The following SLC25A39 variants were observed in gnomAD, a reference collection of about 807,000 sequenced individuals.
The protein encoded by SLC25A39 is mitochondrial glutathione transporter SLC25A39.
In SLC25A39, 44 loss-of-function variants were observed where a neutral mutation model predicts 46.6. The observed-to-expected ratio is 0.94, with a 90% CI of 0.74 to 1.21. SLC25A39 has a LOEUF of 1.21. SLC25A39 is among the 50% of genes most tolerant of loss of function. The probability of loss-of-function intolerance (pLI) is 0.00; values close to 1 mark genes in which losing one functional copy is unlikely to be tolerated. For missense variants in SLC25A39, 487 were observed against 473.0 expected, an observed-to-expected ratio of 1.03 and a Z score of -0.28; for synonymous variants, 218 against 190.6, an observed-to-expected ratio of 1.14 and a Z score of -1.19.
Position 44,320,690 on chromosome 17 carries a change from T to G in SLC25A39, c.733A>C (p.Asn245His). ...FNYELVKSWLNGFRPKDQTSV... is the reference protein window; with the variant it reads ...FNYELVKSWLHGFRPKDQTSV... ...GTCTGGTCCTTCGGCCTGAACCCATTGAGCCAGCTCTTCACCAGCTCATAG... is the reference window on the plus strand; with the variant it reads ...GTCTGGTCCTTCGGCCTGAACCCATGGAGCCAGCTCTTCACCAGCTCATAG... Residue 245 changes from asparagine (N) to histidine (H), a missense_variant, in exon 9 of 12, where the codon AAT becomes CAT. Asn to His is a moderately conservative substitution (Grantham distance 68, BLOSUM62 1). Coordinates refer to ENST00000377095, the MANE Select transcript of SLC25A39 (RefSeq NM_001143780.3). 6.2e-7 allele frequency: 1 copy of G among 1,614,078 alleles called. No homozygotes were observed. Among genetic ancestry groups the G allele is most frequent in the Non-Finnish European group, 8.5e-7 (1 of 1,180,030 alleles).
Position 44,320,605 on chromosome 17 carries a change from C to T in SLC25A39, c.801+17G>A. On this transcript the variant is annotated intron_variant, in intron 9 of 11. Transcript: ENST00000377095. ...GGGAGACCTCCGCTGGCCTCACCTCCAGCCCAGTCCACTCACCGTCCCTGA... is the reference window on the plus strand; with the variant it reads ...GGGAGACCTCCGCTGGCCTCACCTCTAGCCCAGTCCACTCACCGTCCCTGA... 1 of 1,610,480 alleles carries T rather than the reference C, an allele frequency of 6.2e-7. No individual in the cohort carries two copies. Among genetic ancestry groups the T allele is most frequent in the Non-Finnish European group, 8.5e-7 (1 of 1,177,058 alleles).
intron 3 of SLC25A39, 81 bp downstream of exon 3, chr17:44,323,203 A>C: frequency 6.5e-7 from 1 of 1,536,782 alleles, no homozygotes; most frequent in Non-Finnish European, 9.0e-7. Flanking sequence ...GATTACAGGT[A>C]TGAGAAACCA....
rs146456291 is a variant in SLC25A39 at position 44,320,591 on chromosome 17, G to A, written c.801+31C>T. The A allele has an allele frequency of 2.7e-4, 430 of 1,601,006 alleles. 2 individuals carry two copies. The African/African-American group carries it at 3.9e-3, about 14-fold the overall frequency. On this transcript the variant is annotated intron_variant, in intron 9 of 11. Transcript: ENST00000377095. ...TCAGGCCCCCCGCAGGGAGACCTCCGCTGGCCTCACCTCCAGCCCAGTCCA... is the reference window on the plus strand; with the variant it reads ...TCAGGCCCCCCGCAGGGAGACCTCCACTGGCCTCACCTCCAGCCCAGTCCA...
At chr17:44,323,414 C>T (rs964370514) in intron 2 of SLC25A39, 64 bp downstream of exon 2, 8 of 1,565,708 alleles carry the variant, frequency 5.1e-6, no homozygotes, top group African/African-American at 1.4e-5. Context: ...CAGGACCACA[C>T]AGCCTCCAAT....
In SLC25A39 at chr17:44,322,832, G is replaced by A. The variant is rs758289711; in HGVS notation, c.166C>T (p.Leu56=). ...CATTTGGTATAGGAGAGGCTCCACAGTCTGGAGGAAGGCATCAGCTCTAAA... is the reference window on the plus strand; with the variant it reads ...CATTTGGTATAGGAGAGGCTCCACAATCTGGAGGAAGGCATCAGCTCTAAA... The part of the protein sequence containing the change: ...MASELMPSSR[L]WSLSYTKLPS... Residue 56 remains leucine, a synonymous_variant, in exon 4 of 12, where the codon CTG becomes TTG. Transcript: ENST00000377095. The A allele has an allele frequency of 2.4e-5, 38 of 1,614,090 alleles. No homozygotes were observed. In the South Asian group the frequency reaches 3.4e-4, roughly 14 times the overall value.
At chr17:44,323,434 G>GCGC in intron 2 of SLC25A39, 44 bp downstream of exon 2, 2 of 1,367,926 alleles carry the variant, frequency 1.5e-6, no homozygotes, top group Non-Finnish European at 2.0e-6. Context: ...TCTCCGGTCT[G>GCGC]CCCCATCCCC....
intron 2 of SLC25A39, 66 bp downstream of exon 2, chr17:44,323,412 C>A: frequency 6.4e-7 from 1 of 1,567,042 alleles, no homozygotes; most frequent in Admixed American, 1.9e-5. Context: ...CCCAGGACCA[C>A]ACAGCCTCCA....
Position 44,322,555 on chromosome 17 carries a change from G to A in SLC25A39, c.191-3C>T, listed in dbSNP as rs760266180. ...TGTGGATTGGAGAGAGGAGGGCACT[G>A]GGGAAAGGCAGGGGGCATTATAATG... On this transcript the variant is annotated splice_polypyrimidine_tract_variant and splice_region_variant and intron_variant, in intron 4 of 11. Coordinates refer to ENST00000377095, the MANE Select transcript of SLC25A39 (RefSeq NM_001143780.3). The A allele has an allele frequency of 2.5e-6, 4 of 1,613,976 alleles. No individual in the cohort carries two copies. Among genetic ancestry groups the A allele is most frequent in the South Asian group, 2.2e-5 (2 of 91,056 alleles).
In SLC25A39 at chr17:44,321,036, C is replaced by G. The variant is rs781184242; in HGVS notation, c.691+22G>C. ...ATCACCCCAGGGTTCCCTCACCCAC[C>G]CCCTGCAGCTTGGGTGCCTACCTGA... On this transcript the variant is annotated intron_variant, in intron 8 of 11. Transcript: ENST00000377095. The G allele has an allele frequency of 5.1e-6, 8 of 1,565,644 alleles. No homozygotes were observed. In the East Asian group the frequency reaches 1.8e-4, roughly 35 times the overall value.
At chr17:44,321,334 T>TA (rs2048026683) in intron 7 of SLC25A39, 100 bp downstream of exon 7, 2 of 1,592,610 alleles carry the variant, frequency 1.3e-6, no homozygotes, top group Non-Finnish European at 1.7e-6. Context: ...AACACCCCCC[T>TA]ATCCCTAGGC....
intron 5 of SLC25A39, among the ~76,000 whole-genome samples, 185 bp downstream of exon 5, chr17:44,322,234 G>A (rs1236305587): frequency 6.6e-6 from 1 of 152,176 alleles, no homozygotes; most frequent in Non-Finnish European, 1.5e-5. Flanking sequence ...GGGTGACAGA[G>A]CGAGACTCTG....
Position 44,323,250 on chromosome 17 carries a change from A to C in SLC25A39, c.145+34T>G, listed in dbSNP as rs746855143. ...TGGGAGATCTTTCTTTTGCCCAGGC[A>C]CCACCCCTCACTAGTTCCAGGTCAG... On this transcript the variant is annotated intron_variant, in intron 3 of 11. Coordinates refer to ENST00000377095, the MANE Select transcript of SLC25A39 (RefSeq NM_001143780.3). 4.3e-6 allele frequency: 7 copies of C among 1,612,796 alleles called. No homozygotes were observed. The South Asian group carries it at 6.6e-5, about 15-fold the overall frequency.
intron 1 of SLC25A39, chr17:44,324,156 G>A (rs915403533): frequency 1.3e-5 from 2 of 153,726 alleles, no homozygotes; most frequent in African/African-American, 4.8e-5. Context: ...GTAGGAGCCA[G>A]GGTCCTTCCC....
chr17:44,321,285 T>C, intron 7 of SLC25A39, 54 bp from the exon 8 acceptor site: 6 of 1,581,084 alleles, frequency 3.8e-6, no homozygotes, highest in Non-Finnish European at 5.2e-6. Flanking sequence ...AGGTCTTACA[T>C]GGCATCACCT....
chr17:44,322,235 C>G (rs567490208), intron 5 of SLC25A39, among the ~76,000 whole-genome samples, 184 bp downstream of exon 5: 2 of 152,098 alleles, frequency 1.3e-5, no homozygotes, highest in Admixed American at 1.3e-4. Context: ...GGTGACAGAG[C>G]GAGACTCTGT....
intron 7 of SLC25A39, 87 bp from the exon 8 acceptor site, chr17:44,321,318 A>T (rs1311904029): frequency 6.3e-7 from 1 of 1,581,746 alleles, no homozygotes; most frequent in African/African-American, 1.3e-5. Flanking sequence ...AGGTCTGGGG[A>T]CCTAGAACAC....
In SLC25A39 at chr17:44,320,500, A is replaced by T. The variant is rs546731911; in HGVS notation, c.802-64T>A. On this transcript the variant is annotated intron_variant, in intron 9 of 11. Coordinates refer to ENST00000377095, the MANE Select transcript of SLC25A39 (RefSeq NM_001143780.3). ...CTGGACCCCCACCCCTACCTCCCAG[A>T]TGGCTCTTGCGGCTGGGAGGGACAA... 1.8e-5 allele frequency: 29 copies of T among 1,597,000 alleles called. No individual in the cohort carries two copies. The South Asian group carries it at 3.0e-4, about 16-fold the overall frequency.
intron 5 of SLC25A39, among the ~76,000 whole-genome samples, chr17:44,321,978 G>C (rs2048056347): frequency 6.6e-6 from 1 of 152,320 alleles, no homozygotes; most frequent in South Asian, 2.1e-4. Flanking sequence ...AGGCACGGTG[G>C]CTCACATATG....
chr17:44,321,828 G>C, intron 5 of SLC25A39, 61 bp from the exon 6 acceptor site: 1 of 1,533,158 alleles, frequency 6.5e-7, no homozygotes, highest in Admixed American at 1.9e-5. Flanking sequence ...CTGTGATGGG[G>C]CTGGCCCAGG....
Sources: allele counts gnomAD v4.1 joint callset (sites outside exome capture counted in the v4.1 genomes callset), GRCh38; gene constraint gnomAD v4.1.1; transcripts MANE v1.5; gene names NCBI Gene and HGNC (gene_info 2026-07-23, HGNC 2026-07-21).